RILPL1: variants seen among roughly 807,000 people sequenced by gnomAD.
The protein encoded by RILPL1 is RILP-like protein 1.
RILPL1 carries 33 observed loss-of-function variants against 50.3 expected under a neutral mutation model. That is an observed-to-expected ratio of 0.66 (90% confidence interval 0.50 to 0.88). The LOEUF (loss-of-function observed/expected upper bound fraction) is 0.88. Ranked by LOEUF, RILPL1 falls within the 40% of genes least tolerant of loss-of-function variation. RILPL1 has a pLI of 0.00. For synonymous variants in RILPL1, 205 were observed against 228.6 expected, an observed-to-expected ratio of 0.90 and a Z score of 0.93; for missense variants, 418 against 542.5, an observed-to-expected ratio of 0.77 and a Z score of 2.28.
intron 2 of RILPL1, among the ~76,000 whole-genome samples, chr12:123,520,553 C>G (rs548047813): frequency 2.1e-4 from 32 of 152,226 alleles, no homozygotes; most frequent in African/African-American, 7.7e-4. Context: ...AGTGAGACTC[C>G]GTCTCAAAAC....
rs1555265101 is a variant in RILPL1 at position 123,488,461 on chromosome 12, A to AG, written c.802-2657_802-2656insC. 4.0e-4 allele frequency among the ~76,000 whole-genome samples: 60 copies of AG among 151,632 alleles called. 1 individual carries two copies. Among genetic ancestry groups the AG allele is most frequent in the East Asian group, 3.1e-3 (16 of 5,172 alleles). On this transcript the variant is annotated intron_variant, in intron 4 of 6. Transcript: ENST00000376874. ...CCCTGTCTCAAAAAAAAAAAAAAAAAAAGAAGAAGAAGAAGAAAAACCCCA... is the reference window on the plus strand; with the variant it reads ...CCCTGTCTCAAAAAAAAAAAAAAAAAGAAGAAGAAGAAGAAGAAAAACCCCA...
In RILPL1 at chr12:123,489,975, G is replaced by C. The variant is rs533652268; in HGVS notation, c.802-4170C>G. Among the ~76,000 whole-genome samples the C allele has an allele frequency of 6.6e-5, 10 of 152,114 alleles. No homozygotes were observed. ...ATTTTGGGCTTCCTGTGGAAAGTGCGCTGGAAGATCAGGCCCCACTGGCAA... is the reference window on the plus strand; with the variant it reads ...ATTTTGGGCTTCCTGTGGAAAGTGCCCTGGAAGATCAGGCCCCACTGGCAA... On this transcript the variant is annotated intron_variant, in intron 4 of 6. Transcript: ENST00000376874. The surrounding 1 kb of genome is among the most constrained non-coding windows in gnomAD (Gnocchi z 4.0).
intron 2 of RILPL1, among the ~76,000 whole-genome samples, chr12:123,500,001 G>A (rs1245575240): frequency 3.3e-5 from 5 of 150,914 alleles, no homozygotes; most frequent in South Asian, 2.1e-4. Context: ...GCGCGATCTC[G>A]GCTCACTGCA....
intron 4 of RILPL1, among the ~76,000 whole-genome samples, chr12:123,496,844 G>A (rs1366618161): frequency 6.6e-6 from 1 of 152,172 alleles, no homozygotes; most frequent in Non-Finnish European, 1.5e-5. Context: ...CTGGCCACGC[G>A]GACAGTAACA....
chr12:123,499,262 A>G (rs1883217518), intron 3 of RILPL1, among the ~76,000 whole-genome samples, 156 bp downstream of exon 3: 1 of 152,154 alleles, frequency 6.6e-6, no homozygotes. Flanking sequence ...TGAAGTTTCC[A>G]GGCTGGGCCC....
At chr12:123,484,389 A>G (rs997752413) in intron 5 of RILPL1, 117 bp from the exon 6 acceptor site, 1 of 738,856 alleles carries the variant, frequency 1.4e-6, no homozygotes. Context: ...GGGGACCCGC[A>G]TCTGTATTTC....
intron 2 of RILPL1, among the ~76,000 whole-genome samples, chr12:123,520,582 A>AAACAAC: frequency 6.6e-6 from 1 of 151,888 alleles, no homozygotes; most frequent in South Asian, 2.1e-4. Flanking sequence ...AAACAAACAA[A>AAACAAC]CAAACAAAAA....
intron 2 of RILPL1, among the ~76,000 whole-genome samples, chr12:123,509,838 A>G (rs1883978129): frequency 6.6e-6 from 1 of 152,250 alleles, no homozygotes; most frequent in Admixed American, 6.5e-5. Flanking sequence ...CAATTCTGCG[A>G]CATGTTTTCC....
At chr12:123,524,276 T>C (rs1460369340) in intron 1 of RILPL1, among the ~76,000 whole-genome samples, 2 of 152,192 alleles carry the variant, frequency 1.3e-5, no homozygotes, top group Non-Finnish European at 2.9e-5. Flanking sequence ...GTCAAAGAAA[T>C]AGCCAATAAC....
intron 2 of RILPL1, among the ~76,000 whole-genome samples, chr12:123,521,615 A>G (rs1240086782): frequency 1.6e-4 from 4 of 25,606 alleles, no homozygotes; most frequent in South Asian, 4.8e-3. Flanking sequence ...ATACACACAT[A>G]TGTGTATATA....
intron 2 of RILPL1, among the ~76,000 whole-genome samples, chr12:123,520,200 T>C (rs59560692): frequency 0.052 from 7,965 of 152,288 alleles, 275 homozygotes; most frequent in South Asian, 0.11. Flanking sequence ...GGTCCATCCA[T>C]AGATGAGTGG....
chr12:123,500,139 C>T (rs1883280713), intron 2 of RILPL1, among the ~76,000 whole-genome samples: 1 of 151,982 alleles, frequency 6.6e-6, no homozygotes, highest in African/African-American at 2.4e-5. Context: ...ACCGTGTTAG[C>T]CAGGATGGTC....
chr12:123,525,185 C>T (rs1885207353), intron 1 of RILPL1, among the ~76,000 whole-genome samples: 1 of 151,596 alleles, frequency 6.6e-6, no homozygotes, highest in African/African-American at 2.4e-5. Flanking sequence ...ATAATGACGG[C>T]TGCAAAACTC....
intron 6 of RILPL1, among the ~76,000 whole-genome samples, chr12:123,480,662 C>T (rs940552679): frequency 6.6e-6 from 1 of 151,956 alleles, no homozygotes; most frequent in African/African-American, 2.4e-5. Flanking sequence ...AGGAGTGGGG[C>T]TGGCGAGTGA....
chr12:123,519,264 C>T (rs918545390), intron 2 of RILPL1: 2 of 151,878 alleles, frequency 1.3e-5, no homozygotes, highest in East Asian at 1.9e-4. Context: ...TTTCCAGACC[C>T]ATGAGCAAAT....
At chr12:123,525,843 C>A (rs1280481384) in intron 1 of RILPL1, among the ~76,000 whole-genome samples, 1 of 151,920 alleles carries the variant, frequency 6.6e-6, no homozygotes, top group East Asian at 1.9e-4. Flanking sequence ...CCGTGCCCAG[C>A]CAGAAGTGTA....
intron 2 of RILPL1, among the ~76,000 whole-genome samples, chr12:123,521,643 ATATATATACACATATATG>A (rs1566144378): frequency 0.033 from 915 of 27,342 alleles, 27 homozygotes; most frequent in Admixed American, 0.24. Flanking sequence ...ACATATGTGT[ATATATATACACATATATG>A]TATATATATA....
rs1048242419 is a variant in RILPL1, at chr12:123,485,177, T to C, written c.974+456A>G. ...GCTGGGAACTTAGCCATGGACAAGA[T>C]AAATAAGACTTCTGGTCTCATGTTG... On this transcript the variant is annotated intron_variant, in intron 5 of 6. Coordinates refer to ENST00000376874, the MANE Select transcript of RILPL1 (RefSeq NM_178314.5). This position sits in a 1 kb window ranked among gnomAD's most constrained non-coding sequence, Gnocchi z 4.0. 2.2e-6 allele frequency: 1 copy of C among 456,452 alleles called. No homozygotes were observed. The highest frequency in any genetic ancestry group is 2.3e-5 in the Admixed American group (1 of 42,556). 28.3% of individuals were successfully genotyped at this position (456,452 alleles called of 1,614,324 possible). A position where few individuals can be genotyped will look rare whatever the true frequency, so the allele number is the denominator to read the frequency against.
At position 123,533,602 on chromosome 12, in the gene RILPL1, C is replaced by A. The variant is rs1885532091; in HGVS notation, c.-120G>T. On this transcript the variant is annotated 5_prime_UTR_variant, in exon 1 of 7. Transcript: ENST00000376874. The surrounding 1 kb of genome is among the most constrained non-coding windows in gnomAD (Gnocchi z 6.2). ...CGCGGGCGGGCGCGCTCAGCGGGCG[C>A]TGGGGCGAGGGCGCAGCGGGCAGCG... 1.3e-6 allele frequency: 1 copy of A among 761,986 alleles called. No homozygotes were observed. Among genetic ancestry groups the A allele is most frequent in the Non-Finnish European group, 1.7e-6 (1 of 597,500 alleles). The allele number at this position is 761,986 out of a possible 1,614,324, so 47.2% of individuals were successfully genotyped here. A position where few individuals can be genotyped will look rare whatever the true frequency, so the allele number is the denominator to read the frequency against.
Sources: gnomAD v4.1 joint callset for allele counts (sites outside exome capture counted in the v4.1 genomes callset) on GRCh38, gnomAD v4.1.1 for gene constraint, Gnocchi (gnomAD v3.1) non-coding constraint, MANE v1.5 for transcripts, NCBI Gene and HGNC (gene_info 2026-07-23, HGNC 2026-07-21) for gene names.